The following CRTC1 variants were observed in gnomAD, a reference collection of about 807,000 sequenced individuals.
CRTC1 encodes CREB-regulated transcription coactivator 1.
In CRTC1, 18 loss-of-function variants were observed where a neutral mutation model predicts 66.1. The observed-to-expected ratio is 0.27, with a 90% CI of 0.19 to 0.40. The LOEUF is 0.40. Among genes scored for constraint, CRTC1 ranks in the 10% least tolerant of loss-of-function variants. The pLI, the probability that CRTC1 is intolerant of heterozygous loss-of-function variation, is 1.00. For synonymous variants in CRTC1, 416 were observed against 398.8 expected, an observed-to-expected ratio of 1.04 and a Z score of -0.51; for missense variants, 669 against 887.9, an observed-to-expected ratio of 0.75 and a Z score of 3.13.
At chr19:18,704,136 A>G (rs1437775578) in intron 1 of CRTC1, among the ~76,000 whole-genome samples, 8 of 152,070 alleles carry the variant, frequency 5.3e-5, no homozygotes, top group African/African-American at 9.6e-5. Flanking sequence ...TTCTTTTTTT[A>G]TATTTAAAAT....
At position 18,780,183 on chromosome 19, in the gene CRTC1, T is replaced by C. The variant is rs1050983257; in HGVS notation, c.*2801T>C. The C allele has an allele frequency of 4.3e-6, 1 of 231,600 alleles. No homozygotes were observed. Among genetic ancestry groups the C allele is most frequent in the Non-Finnish European group, 8.5e-6 (1 of 117,148 alleles). 14.3% of individuals were successfully genotyped at this position (231,600 alleles called of 1,614,324 possible). On this transcript the variant is annotated 3_prime_UTR_variant, in exon 14 of 14. Coordinates refer to ENST00000321949, the MANE Select transcript of CRTC1 (RefSeq NM_015321.3). Reference sequence around the variant, plus strand: ...ATAGACCCGCCGTCTGTGTCCTTGGTCAGGCCCGGATGCTTGGTCTACACT... The same window carrying C: ...ATAGACCCGCCGTCTGTGTCCTTGGCCAGGCCCGGATGCTTGGTCTACACT...
At chr19:18,710,109 T>A (rs1297613267) in intron 1 of CRTC1, among the ~76,000 whole-genome samples, 1 of 150,500 alleles carries the variant, frequency 6.6e-6, no homozygotes, top group Admixed American at 6.6e-5. Context: ...TCACGGGGCC[T>A]CCTGCCTGGA....
At chr19:18,775,515 GC>G in intron 12 of CRTC1, 125 bp from the exon 13 acceptor site, 3 of 852,252 alleles carry the variant, frequency 3.5e-6, no homozygotes, top group Non-Finnish European at 5.2e-6. Flanking sequence ...CAGCCTGGGT[GC>G]CGAGCATCCT....
At chr19:18,738,317 A>T (rs550872298) in intron 1 of CRTC1, among the ~76,000 whole-genome samples, 4 of 152,324 alleles carry the variant, frequency 2.6e-5, no homozygotes, top group African/African-American at 7.2e-5. Flanking sequence ...AGCCTGTCTC[A>T]AAATAAATAA....
At chr19:18,766,287 ATTTT>A (rs1020411277) in intron 9 of CRTC1, among the ~76,000 whole-genome samples, 3 of 109,678 alleles carry the variant, frequency 2.7e-5, no homozygotes, top group African/African-American at 6.9e-5. Flanking sequence ...TGCCTGGCTA[ATTTT>A]TTTTTTTTTT....
At chr19:18,715,621 C>T (rs541965250) in intron 1 of CRTC1, among the ~76,000 whole-genome samples, 1 of 152,256 alleles carries the variant, frequency 6.6e-6, no homozygotes, top group Non-Finnish European at 1.5e-5. Context: ...GCAGCCTCCC[C>T]TCAGCCACCT....
chr19:18,709,324 G>T (rs932911545), intron 1 of CRTC1, among the ~76,000 whole-genome samples: 1 of 152,080 alleles, frequency 6.6e-6, no homozygotes, highest in Non-Finnish European at 1.5e-5. Flanking sequence ...TCCCCTCATG[G>T]TGCCTTTTTA....
intron 11 of CRTC1, among the ~76,000 whole-genome samples, chr19:18,774,669 G>A (rs2054942431): frequency 6.6e-6 from 1 of 152,172 alleles, no homozygotes; most frequent in Non-Finnish European, 1.5e-5. Flanking sequence ...GATGGGGATG[G>A]GGCCTTGGGA....
chr19:18,721,026 G>C (rs1292958885), intron 1 of CRTC1, among the ~76,000 whole-genome samples: 2 of 152,150 alleles, frequency 1.3e-5, no homozygotes, highest in Admixed American at 1.3e-4. Flanking sequence ...AGGCTCTAGG[G>C]GAGGATCCTT....
At chr19:18,715,138 G>T (rs1042483752) in intron 1 of CRTC1, among the ~76,000 whole-genome samples, 6 of 152,332 alleles carry the variant, frequency 3.9e-5, no homozygotes, top group Admixed American at 6.5e-5. Flanking sequence ...GCCTCTGGGG[G>T]CTCCCGGAGC....
chr19:18,735,941 G>T (rs1469721493), intron 1 of CRTC1, among the ~76,000 whole-genome samples: 1 of 152,202 alleles, frequency 6.6e-6, no homozygotes, highest in Non-Finnish European at 1.5e-5. Context: ...CTAGAACCAT[G>T]CCCAGTGCTG....
At chr19:18,775,340 G>A (rs1472138964) in intron 12 of CRTC1, among the ~76,000 whole-genome samples, 4 of 152,242 alleles carry the variant, frequency 2.6e-5, no homozygotes, top group African/African-American at 9.6e-5. Context: ...TTTGCCGGGA[G>A]GTCGTGCTGG....
chr19:18,736,651 T>C (rs746307480), intron 1 of CRTC1, among the ~76,000 whole-genome samples: 6 of 151,892 alleles, frequency 4.0e-5, no homozygotes, highest in Non-Finnish European at 5.9e-5. Flanking sequence ...AGGAAGCATG[T>C]GAGCTGGAGC....
intron 1 of CRTC1, among the ~76,000 whole-genome samples, chr19:18,694,413 T>G (rs151118730): frequency 1.0e-3 from 156 of 152,232 alleles, no homozygotes; most frequent in Non-Finnish European, 1.5e-3. Flanking sequence ...GTCTCTTTAT[T>G]TTATTAGAAC....
rs1447319460 is a variant in CRTC1 at position 18,778,078 on chromosome 19, G to T, written c.*696G>T. ...CTCGCCCTGTCTCCATCCCCTCGAA[G>T]CCCTGCCTCACCGCAGGCAGGCCCA... On this transcript the variant is annotated 3_prime_UTR_variant, in exon 14 of 14. Transcript: ENST00000321949. 3 of 233,142 alleles carry T rather than the reference G, an allele frequency of 1.3e-5. No homozygotes were observed. Among genetic ancestry groups the T allele is most frequent in the East Asian group, 6.0e-5 (1 of 16,564 alleles). The allele number at this position is 233,142 out of a possible 1,614,324, so 14.4% of individuals were successfully genotyped here.
intron 1 of CRTC1, among the ~76,000 whole-genome samples, chr19:18,685,746 G>A (rs2052670911): frequency 6.6e-6 from 1 of 152,172 alleles, no homozygotes; most frequent in Admixed American, 6.6e-5. Context: ...GGCAGGAGTG[G>A]CCACTTCTTT....
Position 18,774,464 on chromosome 19 carries a change from G to A in CRTC1, c.1426-436G>A, listed in dbSNP as rs143497110. 2.2e-3 allele frequency among the ~76,000 whole-genome samples: 337 copies of A among 152,340 alleles called. 1 individual carries two copies. The highest frequency in any genetic ancestry group is 7.7e-3 in the African/African-American group (322 of 41,570). ...CATCCTGTCCATGTACGTGGCCTGC[G>A]TCGTGTCCTTTGTCTCCTGTCAGGA... is the stretch of plus-strand genomic sequence containing the variant. On this transcript the variant is annotated intron_variant, in intron 11 of 13. Coordinates refer to ENST00000321949, the MANE Select transcript of CRTC1 (RefSeq NM_015321.3).
intron 11 of CRTC1, 109 bp from the exon 12 acceptor site, chr19:18,774,791 C>G: frequency 1.0e-6 from 1 of 966,906 alleles, no homozygotes; most frequent in South Asian, 1.4e-5. Flanking sequence ...CAGCCTCCTG[C>G]CGTCTGGGAG....
chr19:18,764,795 G>A (rs2054692759), intron 8 of CRTC1, among the ~76,000 whole-genome samples: 1 of 152,178 alleles, frequency 6.6e-6, no homozygotes, highest in South Asian at 2.1e-4. Flanking sequence ...TCAGGTCTGG[G>A]GGCCAAGAGA....
Sources: gnomAD v4.1 joint callset for allele counts (sites outside exome capture counted in the v4.1 genomes callset) on GRCh38, gnomAD v4.1.1 for gene constraint, MANE v1.5 for transcripts, NCBI Gene and HGNC (gene_info 2026-07-23, HGNC 2026-07-21) for gene names.